The following SCAPER variants were observed in gnomAD, a reference collection of about 807,000 sequenced individuals.
SCAPER encodes the protein S-phase cyclin A associated protein in the ER, also known as S phase cyclin A-associated protein in the endoplasmic reticulum.
Under a neutral mutation model 182.2 loss-of-function variants are expected in SCAPER, and 98 were observed. The observed-to-expected ratio is 0.54, with a 90% CI of 0.46 to 0.64. SCAPER has a LOEUF of 0.64. Among genes scored for constraint, SCAPER ranks in the 30% least tolerant of loss-of-function variants. The pLI is 0.00. For missense variants in SCAPER, 1,432 were observed against 1,690.0 expected (o/e 0.85, Z 2.68); for synonymous variants, 605 against 564.6 (o/e 1.07, Z -1.01).
At chr15:76,654,371 G>A (rs1230324813) in intron 21 of SCAPER, among the ~76,000 whole-genome samples, 1 of 152,122 alleles carries the variant, frequency 6.6e-6, no homozygotes, top group Non-Finnish European at 1.5e-5. Flanking sequence ...TCACACCACT[G>A]CACTCCAGCC....
At chr15:76,362,162 G>A (rs982392132) in intron 29 of SCAPER, among the ~76,000 whole-genome samples, 1 of 151,858 alleles carries the variant, frequency 6.6e-6, no homozygotes, top group African/African-American at 2.4e-5. Flanking sequence ...TAGTAGAGAC[G>A]GGGTTTCACC....
rs186240321 is a variant in SCAPER at position 76,472,038 on chromosome 15, G to A, written c.2955-703C>T. On this transcript the variant is annotated intron_variant, in intron 24 of 31. Transcript: ENST00000563290. ...GAAGGGGCAAGAATGACCCCAGCCCGACCAGTCTGCCTGCTGCTGCATTCC... is the reference window on the plus strand; with the variant it reads ...GAAGGGGCAAGAATGACCCCAGCCCAACCAGTCTGCCTGCTGCTGCATTCC... 162 of 260,010 alleles carry A rather than the reference G, an allele frequency of 6.2e-4. 1 individual carries two copies. The highest frequency in any genetic ancestry group is 4.5e-3 in the Middle Eastern group (3 of 674). 16.1% of individuals were successfully genotyped at this position (260,010 alleles called of 1,614,324 possible). A position where few individuals can be genotyped will look rare whatever the true frequency, so the allele number is the denominator to read the frequency against.
chr15:76,804,666 C>G, intron 5 of SCAPER, 33 bp from the exon 6 acceptor site: 1 of 1,412,550 alleles, frequency 7.1e-7, no homozygotes, highest in Non-Finnish European at 9.7e-7. Flanking sequence ...AAATTAAATT[C>G]CAGTCTGAGA....
intron 20 of SCAPER, among the ~76,000 whole-genome samples, chr15:76,676,114 T>C (rs1218004910): frequency 2.0e-5 from 3 of 152,208 alleles, no homozygotes; most frequent in Non-Finnish European, 4.4e-5. Context: ...CGTGAGCCAC[T>C]GTGCCCGGCT....
At chr15:76,826,289 A>C (rs11857800) in intron 5 of SCAPER, among the ~76,000 whole-genome samples, 1 of 151,508 alleles carries the variant, frequency 6.6e-6, no homozygotes, top group African/African-American at 2.4e-5. Flanking sequence ...GGAAATCATC[A>C]TTCTCAGTAA....
At chr15:76,587,160 G>A (rs549838344) in intron 22 of SCAPER, among the ~76,000 whole-genome samples, 10 of 151,974 alleles carry the variant, frequency 6.6e-5, no homozygotes, top group Non-Finnish European at 1.2e-4. Flanking sequence ...AATATCTCCC[G>A]TTTTATAATT....
chr15:76,713,953 T>C (rs561648817), intron 17 of SCAPER, among the ~76,000 whole-genome samples: 1 of 152,218 alleles, frequency 6.6e-6, no homozygotes, highest in South Asian at 2.1e-4. Flanking sequence ...ATCAGCTTTA[T>C]CTGTAATAGC....
chr15:76,638,241 T>A (rs2053808146), intron 21 of SCAPER, among the ~76,000 whole-genome samples: 1 of 152,170 alleles, frequency 6.6e-6, no homozygotes, highest in African/African-American at 2.4e-5. Flanking sequence ...TTTCATTTAT[T>A]GATCAAATCT....
At chr15:76,774,083 T>G (rs1338489103) in intron 9 of SCAPER, among the ~76,000 whole-genome samples, 1 of 151,896 alleles carries the variant, frequency 6.6e-6, no homozygotes, top group Non-Finnish European at 1.5e-5. Flanking sequence ...GTAAGTAGAA[T>G]AAGTTCAAAT....
chr15:76,687,442 T>G lies in SCAPER; in HGVS notation c.2508+14316A>C, dbSNP rs556635089. Among the ~76,000 whole-genome samples, 23 of 152,274 alleles carry G rather than the reference T, an allele frequency of 1.5e-4. No homozygotes were observed. In the South Asian group the frequency reaches 4.6e-3, roughly 30 times the overall value. On this transcript the variant is annotated intron_variant, in intron 20 of 31. Coordinates refer to ENST00000563290, the MANE Select transcript of SCAPER (RefSeq NM_020843.4). ...TAGTCCTCATATTGGCAACATATACTCTTTTTTAAAATTATTATACTTTAA... is the reference window on the plus strand; with the variant it reads ...TAGTCCTCATATTGGCAACATATACGCTTTTTTAAAATTATTATACTTTAA...
At chr15:76,684,638 G>A (rs2057922846) in intron 20 of SCAPER, among the ~76,000 whole-genome samples, 1 of 151,800 alleles carries the variant, frequency 6.6e-6, no homozygotes, top group African/African-American at 2.4e-5. Flanking sequence ...ATACAAGAAT[G>A]CTATCAATAA....
At chr15:76,694,291 G>GA (rs1480300207) in intron 20 of SCAPER, among the ~76,000 whole-genome samples, 3 of 151,990 alleles carry the variant, frequency 2.0e-5, no homozygotes, top group Non-Finnish European at 4.4e-5. Flanking sequence ...AGTTTTCAGT[G>GA]AAAAGACTTT....
At chr15:76,403,051 T>G (rs1351878695) in intron 27 of SCAPER, among the ~76,000 whole-genome samples, 3 of 152,110 alleles carry the variant, frequency 2.0e-5, no homozygotes, top group Non-Finnish European at 4.4e-5. Context: ...GACACAGACT[T>G]GAGATGCTGG....
intron 20 of SCAPER, among the ~76,000 whole-genome samples, chr15:76,699,600 G>A (rs1247079783): frequency 6.6e-6 from 1 of 152,188 alleles, no homozygotes; most frequent in Non-Finnish European, 1.5e-5. Context: ...TCTGCTTCTG[G>A]ATGATTTCAG....
At chr15:76,585,523 T>C (rs557892681) in intron 22 of SCAPER, among the ~76,000 whole-genome samples, 13 of 152,256 alleles carry the variant, frequency 8.5e-5, no homozygotes, top group East Asian at 5.8e-4. Context: ...TATGCAGCCA[T>C]AGCAACAGAT....
At chr15:76,511,703 C>T (rs1305607019) in intron 23 of SCAPER, among the ~76,000 whole-genome samples, 2 of 152,064 alleles carry the variant, frequency 1.3e-5, no homozygotes. Flanking sequence ...AAACTCTGAG[C>T]TTGCTGATGT....
chr15:76,843,005 C>T (rs1384703026), intron 4 of SCAPER, among the ~76,000 whole-genome samples: 1 of 152,134 alleles, frequency 6.6e-6, no homozygotes, highest in Non-Finnish European at 1.5e-5. Flanking sequence ...CTACATTGAT[C>T]AGCAAAGGAC....
rs1244246377 is a variant in SCAPER, at chr15:76,706,167, G to A, written c.2166-183C>T. Among the ~76,000 whole-genome samples, 5 of 152,156 alleles carry A rather than the reference G, an allele frequency of 3.3e-5. No individual in the cohort carries two copies. The East Asian group carries it at 9.6e-4, about 29-fold the overall frequency. On this transcript the variant is annotated intron_variant, in intron 17 of 31. Coordinates refer to ENST00000563290, the MANE Select transcript of SCAPER (RefSeq NM_020843.4). ...CTAATTAAATATTTGGGAAACAATA[G>A]AGATTATCAGTTATGAAATGGGTTT...
intron 23 of SCAPER, among the ~76,000 whole-genome samples, chr15:76,553,107 C>T (rs546208535): frequency 7.0e-4 from 106 of 152,354 alleles, no homozygotes; most frequent in Non-Finnish European, 1.1e-3. Context: ...CCCCCTACTG[C>T]TATGCTGGCT....
Sources: gnomAD v4.1 joint callset for allele counts (sites outside exome capture counted in the v4.1 genomes callset) on GRCh38, gnomAD v4.1.1 for gene constraint, MANE v1.5 for transcripts, NCBI Gene and HGNC (gene_info 2026-07-23, HGNC 2026-07-21) for gene names.